The following NDUFV2 variants were observed in gnomAD, a reference collection of about 807,000 sequenced individuals.
The protein encoded by NDUFV2 is NADH:ubiquinone oxidoreductase core subunit V2.
In NDUFV2, 18 loss-of-function variants were observed where a neutral mutation model predicts 31.6. The observed-to-expected ratio is 0.57, with a 90% confidence interval of 0.39 to 0.84. The LOEUF is 0.84. NDUFV2 is among the 40% of genes least tolerant of loss of function. The pLI, the probability that NDUFV2 is intolerant of heterozygous loss-of-function variation, is 0.00. For missense variants in NDUFV2, 314 were observed against 303.6 expected, an observed-to-expected ratio of 1.03 and a Z score of -0.26; for synonymous variants, 83 against 99.8, an observed-to-expected ratio of 0.83 and a Z score of 1.01.
chr18:9,129,325 A>G (rs957006080), intron 7 of NDUFV2, among the ~76,000 whole-genome samples: 10 of 152,152 alleles, frequency 6.6e-5, no homozygotes, highest in African/African-American at 2.4e-4. Context: ...CTCTCCTGCC[A>G]CACAAATTGA....
intron 7 of NDUFV2, among the ~76,000 whole-genome samples, chr18:9,128,939 C>T (rs561291243): frequency 1.3e-5 from 2 of 152,194 alleles, no homozygotes; most frequent in South Asian, 2.1e-4. Flanking sequence ...TCCTCCCCCC[C>T]ACTCCTCCCC....
At chr18:9,105,579 C>T (rs1258373107) in intron 1 of NDUFV2, among the ~76,000 whole-genome samples, 1 of 152,132 alleles carries the variant, frequency 6.6e-6, no homozygotes, top group Non-Finnish European at 1.5e-5. Context: ...ATTGTAGTTT[C>T]GAAGGTGAGA....
intron 7 of NDUFV2, among the ~76,000 whole-genome samples, chr18:9,128,114 C>T (rs2078007714): frequency 6.6e-6 from 1 of 152,160 alleles, no homozygotes; most frequent in African/African-American, 2.4e-5. Context: ...CATAATCCCT[C>T]AAATTTTTTG....
At chr18:9,125,510 C>T (rs1378208718) in intron 6 of NDUFV2, among the ~76,000 whole-genome samples, 2 of 151,330 alleles carry the variant, frequency 1.3e-5, no homozygotes, top group Non-Finnish European at 2.9e-5. Context: ...ACAAGTTTTG[C>T]AGTCTTTTTT....
chr18:9,128,047 G>A lies in NDUFV2; in HGVS notation c.656+1140G>A, dbSNP rs139222724. 5.3e-3 allele frequency among the ~76,000 whole-genome samples: 809 copies of A among 152,228 alleles called. 13 individuals carry two copies. The highest frequency in any genetic ancestry group is 0.018 in the African/African-American group (761 of 41,518). ...TTAAACAAACCCTTATTCCATGTAT[G>A]TGTTCAATCACTCAAAATTCTCTCT... On this transcript the variant is annotated intron_variant, in intron 7 of 7. Transcript: ENST00000318388.
intron 1 of NDUFV2, chr18:9,104,902 G>T: frequency 6.8e-7 from 1 of 1,481,240 alleles, no homozygotes; most frequent in Non-Finnish European, 9.1e-7. Flanking sequence ...TTGTCAACCT[G>T]GAAATTACCA....
Position 9,122,582 on chromosome 18 carries a change from C to G in NDUFV2, c.370C>G (p.Arg124Gly), listed in dbSNP as rs756471675. 18 of 1,613,946 alleles carry G rather than the reference C, an allele frequency of 1.1e-5. No homozygotes were observed. The highest frequency in any genetic ancestry group is 1.4e-5 in the Non-Finnish European group (17 of 1,179,922). ...EVATFYTMYN[R>G]KPVGKYHIQV... ...AGCAACTTTTTATACAATGTATAAT[C>G]GAAAGCCAGTTGGAAAGTATCACAT... Residue 124 changes from arginine to glycine, a missense_variant, in exon 5 of 8, where the codon CGA (arginine) becomes GGA (glycine). Transcript: ENST00000318388.
intron 4 of NDUFV2, among the ~76,000 whole-genome samples, chr18:9,120,633 ATATTT>A (rs1369285531): frequency 4.6e-5 from 7 of 150,892 alleles, no homozygotes; most frequent in Non-Finnish European, 7.4e-5. Context: ...TAGTTTATTG[ATATTT>A]TATTTTATTT....
chr18:9,111,300 T>C (rs2077868732), intron 1 of NDUFV2, among the ~76,000 whole-genome samples: 2 of 152,220 alleles, frequency 1.3e-5, no homozygotes, highest in South Asian at 4.1e-4. Flanking sequence ...ACTTTAAGAA[T>C]TAAATAATGT....
chr18:9,115,859 C>CAAA, intron 1 of NDUFV2: 1 of 129,012 alleles, frequency 7.8e-6, no homozygotes, highest in Non-Finnish European at 1.7e-5. Context: ...ACTCCGTCTC[C>CAAA]AAAAAAAAAA....
intron 5 of NDUFV2, among the ~76,000 whole-genome samples, chr18:9,123,625 T>C (rs973365445): frequency 1.3e-5 from 2 of 152,084 alleles, no homozygotes; most frequent in Admixed American, 6.6e-5. Flanking sequence ...GCTGTAGCTA[T>C]GGGTGCATGC....
intron 1 of NDUFV2, among the ~76,000 whole-genome samples, chr18:9,114,515 T>A (rs1489280846): frequency 6.6e-6 from 1 of 151,592 alleles, no homozygotes; most frequent in Admixed American, 6.6e-5. Context: ...GATAATGCTT[T>A]ACAGGTTATA....
At chr18:9,121,096 T>C (rs2077932186) in intron 4 of NDUFV2, among the ~76,000 whole-genome samples, 1 of 152,104 alleles carries the variant, frequency 6.6e-6, no homozygotes, top group Non-Finnish European at 1.5e-5. Context: ...TATGTATTTA[T>C]ATATTGTCCT....
chr18:9,117,644 T>C (rs1207781677), intron 1 of NDUFV2, 194 bp from the exon 2 acceptor site: 4 of 530,376 alleles, frequency 7.5e-6, no homozygotes, highest in Admixed American at 6.3e-5. Context: ...GTTAGGTGGG[T>C]GAATCTTGGC....
intron 4 of NDUFV2, chr18:9,121,442 G>A (rs886549965): frequency 2.0e-5 from 3 of 152,074 alleles, no homozygotes; most frequent in Admixed American, 6.5e-5. Context: ...TCAGGGATAC[G>A]TCCTTGATTC....
intron 7 of NDUFV2, 22 bp from the exon 8 acceptor site, chr18:9,134,164 T>G (rs375917534): frequency 2.5e-5 from 39 of 1,580,776 alleles, no homozygotes; most frequent in South Asian, 4.4e-5. Context: ...CATTAATAGT[T>G]TAATATTACT....
intron 1 of NDUFV2, among the ~76,000 whole-genome samples, chr18:9,110,100 A>G (rs1347414800): frequency 6.6e-6 from 1 of 152,054 alleles, no homozygotes; most frequent in Non-Finnish European, 1.5e-5. Flanking sequence ...TAGATTCTAG[A>G]GAAAAGACTA....
chr18:9,103,952 C>A, intron 1 of NDUFV2: 2 of 508,346 alleles, frequency 3.9e-6, no homozygotes, highest in South Asian at 3.5e-5. Flanking sequence ...CCTCATATTA[C>A]AGATAAGGAA....
chr18:9,107,601 A>G (rs62088769), intron 1 of NDUFV2, among the ~76,000 whole-genome samples: 2,691 of 152,322 alleles, frequency 0.018, 46 homozygotes, highest in Non-Finnish European at 0.028. Context: ...AATGCCCAAG[A>G]TCACACAGTA....
Sources: allele counts gnomAD v4.1 joint callset (sites outside exome capture counted in the v4.1 genomes callset), GRCh38; gene constraint gnomAD v4.1.1; transcripts MANE v1.5; gene names NCBI Gene and HGNC (gene_info 2026-07-23, HGNC 2026-07-21).